Variants in KCNQ5 observed in about 807,000 individuals in gnomAD.
The protein encoded by KCNQ5 is potassium voltage-gated channel subfamily KQT member 5.
Under a neutral mutation model 98.2 loss-of-function variants are expected in KCNQ5, and 30 were observed. The ratio of observed to expected loss-of-function variants is 0.31; its 90% CI spans 0.23 to 0.41. The LOEUF (loss-of-function observed/expected upper bound fraction) is 0.41. Ranked by LOEUF, KCNQ5 falls within the 10% of genes least tolerant of loss-of-function variation. The pLI, the probability that KCNQ5 is intolerant of heterozygous loss-of-function variation, is 1.00. For synonymous variants in KCNQ5, 458 were observed against 449.4 expected, an observed-to-expected ratio of 1.02 and a Z score of -0.24; for missense variants, 835 against 1,182.5, an observed-to-expected ratio of 0.71 and a Z score of 4.31.
At chr6:72,988,590 A>G (rs544177333) in intron 1 of KCNQ5, among the ~76,000 whole-genome samples, 1 of 152,112 alleles carries the variant, frequency 6.6e-6, no homozygotes, top group South Asian at 2.1e-4. Context: ...CCATGTAACA[A>G]ATCTGTACAT....
chr6:73,191,270 C>A (rs1463914454), intron 12 of KCNQ5, among the ~76,000 whole-genome samples: 1 of 152,076 alleles, frequency 6.6e-6, no homozygotes, highest in Non-Finnish European at 1.5e-5. Flanking sequence ...AAAGTTGAGA[C>A]TTGGCCCTTG....
intron 1 of KCNQ5, among the ~76,000 whole-genome samples, chr6:72,770,910 C>T (rs1772837518): frequency 2.0e-5 from 3 of 152,086 alleles, no homozygotes; most frequent in South Asian, 2.1e-4. Context: ...AATTTTACTG[C>T]TCACTAATGT....
intron 1 of KCNQ5, among the ~76,000 whole-genome samples, chr6:72,654,132 G>A (rs1054207757): frequency 2.2e-4 from 34 of 151,828 alleles, no homozygotes; most frequent in African/African-American, 6.0e-4. Flanking sequence ...GAAAACAGAA[G>A]GGAAATACAG....
At chr6:72,736,325 T>C (rs1210507304) in intron 1 of KCNQ5, among the ~76,000 whole-genome samples, 1 of 151,932 alleles carries the variant, frequency 6.6e-6, no homozygotes, top group Non-Finnish European at 1.5e-5. Flanking sequence ...TGTCCGATAA[T>C]AAGGGGCATA....
intron 1 of KCNQ5, among the ~76,000 whole-genome samples, chr6:72,777,463 C>G (rs1461942820): frequency 6.6e-6 from 1 of 152,226 alleles, no homozygotes; most frequent in East Asian, 1.9e-4. Context: ...TTGAGCTAGA[C>G]TCCTAGTCTA....
At chr6:72,938,615 C>A (rs1176311895) in intron 1 of KCNQ5, among the ~76,000 whole-genome samples, 1 of 152,072 alleles carries the variant, frequency 6.6e-6, no homozygotes, top group Non-Finnish European at 1.5e-5. Flanking sequence ...AAACTCCTGA[C>A]CTCAAGCAAT....
intron 5 of KCNQ5, among the ~76,000 whole-genome samples, chr6:73,088,674 C>T (rs1265344868): frequency 6.6e-6 from 1 of 152,188 alleles, no homozygotes; most frequent in Admixed American, 6.5e-5. Flanking sequence ...TCCTGCTAGA[C>T]ATTTCTGCAT....
intron 1 of KCNQ5, among the ~76,000 whole-genome samples, chr6:72,983,645 T>C (rs1213641707): frequency 2.6e-5 from 4 of 152,186 alleles, no homozygotes; most frequent in South Asian, 2.1e-4. Flanking sequence ...AGAATTTTGT[T>C]ATTACCAACC....
chr6:72,760,265 G>T (rs1772195411), intron 1 of KCNQ5, among the ~76,000 whole-genome samples: 1 of 152,116 alleles, frequency 6.6e-6, no homozygotes, highest in African/African-American at 2.4e-5. Context: ...TAGCATTTTA[G>T]ATTTTGGTCT....
At chr6:72,719,723 T>A (rs980750430) in intron 1 of KCNQ5, among the ~76,000 whole-genome samples, 1 of 152,168 alleles carries the variant, frequency 6.6e-6, no homozygotes, top group African/African-American at 2.4e-5. Flanking sequence ...CTCTGGTAAC[T>A]CCTTTGCTTT....
rs868457525 is a variant in KCNQ5 at position 72,649,499 on chromosome 6, C to T, written c.398+26912C>T. The stretch of plus-strand genomic sequence containing the variant: ...GACTCTGAAAATGGAGCTACGGACC[C>T]AGTAAAGAGTTTGTACAACTCAGTG... On this transcript the variant is annotated intron_variant, in intron 1 of 13. Transcript: ENST00000370398. Among the ~76,000 whole-genome samples, 4 of 152,114 alleles carry T rather than the reference C, an allele frequency of 2.6e-5. No individual in the cohort carries two copies. The South Asian group carries it at 6.2e-4, about 24-fold the overall frequency.
At chr6:73,177,255 A>T (rs1299907967) in intron 11 of KCNQ5, among the ~76,000 whole-genome samples, 3 of 152,224 alleles carry the variant, frequency 2.0e-5, no homozygotes, top group Admixed American at 6.5e-5. Flanking sequence ...ACACTTTTTT[A>T]AATTACCAGA....
At chr6:72,900,012 AT>A (rs1196988296) in intron 1 of KCNQ5, among the ~76,000 whole-genome samples, 1 of 151,798 alleles carries the variant, frequency 6.6e-6, no homozygotes, top group East Asian at 1.9e-4. Flanking sequence ...TACCTTTTGT[AT>A]TTTTAGTAGA....
At chr6:72,763,408 C>T (rs1772390684) in intron 1 of KCNQ5, among the ~76,000 whole-genome samples, 1 of 152,004 alleles carries the variant, frequency 6.6e-6, no homozygotes, top group Admixed American at 6.6e-5. Context: ...CACACATAGA[C>T]TCATCTCCTG....
At chr6:72,800,102 A>C (rs1375611910) in intron 1 of KCNQ5, among the ~76,000 whole-genome samples, 5 of 152,134 alleles carry the variant, frequency 3.3e-5, no homozygotes, top group Admixed American at 3.3e-4. Flanking sequence ...GAGAAAGCCT[A>C]CCTTTATTCC....
intron 1 of KCNQ5, among the ~76,000 whole-genome samples, chr6:72,828,374 C>T (rs181739922): frequency 5.3e-4 from 80 of 152,040 alleles, no homozygotes; most frequent in African/African-American, 1.7e-3. Flanking sequence ...AGGATCTTTC[C>T]ATTTGTTTGT....
At chr6:73,103,378 C>A (rs1365926476) in intron 5 of KCNQ5, among the ~76,000 whole-genome samples, 1 of 151,992 alleles carries the variant, frequency 6.6e-6, no homozygotes, top group African/African-American at 2.4e-5. Flanking sequence ...AGCAAACTAT[C>A]GCAAGGACAG....
chr6:72,660,814 G>C (rs984938198), intron 1 of KCNQ5, among the ~76,000 whole-genome samples: 1 of 152,082 alleles, frequency 6.6e-6, no homozygotes. Flanking sequence ...GAACTAACAG[G>C]TACTAAAATG....
intron 11 of KCNQ5, among the ~76,000 whole-genome samples, chr6:73,188,318 T>C (rs146731406): frequency 1.1e-3 from 160 of 152,340 alleles, no homozygotes; most frequent in African/African-American, 3.5e-3. Context: ...TCAAGTGCTA[T>C]TGAAGACATA....
Sources: allele counts gnomAD v4.1 joint callset (sites outside exome capture counted in the v4.1 genomes callset), GRCh38; gene constraint gnomAD v4.1.1; transcripts MANE v1.5; gene names NCBI Gene and HGNC (gene_info 2026-07-23, HGNC 2026-07-21).